Variants in COX7B2 observed in about 807,000 individuals in gnomAD.
COX7B2 encodes cytochrome c oxidase subunit 7B2.
For synonymous variants in COX7B2, 37 were observed against 32.1 expected, an observed-to-expected ratio of 1.15 and a Z score of -0.51; for missense variants, 109 against 95.9, an observed-to-expected ratio of 1.14 and a Z score of -0.57.
At chr4:46,788,353 A>G (rs918925928) in intron 2 of COX7B2, among the ~76,000 whole-genome samples, 6 of 152,280 alleles carry the variant, frequency 3.9e-5, no homozygotes, top group Admixed American at 3.9e-4. Context: ...CATAACTAAG[A>G]TTATCCAAGG....
chr4:46,889,573 G>A (rs1234258667), intron 1 of COX7B2, among the ~76,000 whole-genome samples: 2 of 152,208 alleles, frequency 1.3e-5, no homozygotes, highest in Non-Finnish European at 2.9e-5. Flanking sequence ...ATTAGCCACA[G>A]AGAGGTGAGA....
chr4:46,817,348 G>A (rs1382251521), intron 2 of COX7B2, among the ~76,000 whole-genome samples: 1 of 152,140 alleles, frequency 6.6e-6, no homozygotes, highest in Admixed American at 6.5e-5. Flanking sequence ...TTCTATTGAT[G>A]AAGACATTGA....
chr4:46,764,072 A>T (rs1716380084), intron 2 of COX7B2, among the ~76,000 whole-genome samples: 1 of 152,222 alleles, frequency 6.6e-6, no homozygotes, highest in Non-Finnish European at 1.5e-5. Flanking sequence ...GTTGAAATTG[A>T]TCTGAAAGAT....
chr4:46,876,399 A>G (rs1577685807), intron 1 of COX7B2, among the ~76,000 whole-genome samples: 1 of 139,986 alleles, frequency 7.1e-6, no homozygotes, highest in Admixed American at 7.1e-5. Context: ...AGTCCGTCCT[A>G]TTGTCTTTTT....
chr4:46,770,098 C>T (rs758328296), intron 2 of COX7B2, among the ~76,000 whole-genome samples: 1 of 152,026 alleles, frequency 6.6e-6, no homozygotes, highest in Non-Finnish European at 1.5e-5. Flanking sequence ...ACAAAGAAGT[C>T]CTTGAAGATT....
intron 2 of COX7B2, among the ~76,000 whole-genome samples, chr4:46,793,738 T>C (rs770397559): frequency 1.3e-5 from 2 of 152,180 alleles, no homozygotes; most frequent in Non-Finnish European, 2.9e-5. Flanking sequence ...CTGATTACAA[T>C]GCAAGTTGAA....
chr4:46,787,839 T>C (rs1208851098), intron 2 of COX7B2, among the ~76,000 whole-genome samples: 2 of 152,192 alleles, frequency 1.3e-5, no homozygotes, highest in Non-Finnish European at 2.9e-5. Flanking sequence ...TTCCTGGGAT[T>C]TTAGTCAACC....
At chr4:46,735,440 A>G (rs111361546) in intron 2 of COX7B2, among the ~76,000 whole-genome samples, 199 bp from the exon 3 acceptor site, 5 of 152,250 alleles carry the variant, frequency 3.3e-5, no homozygotes, top group African/African-American at 1.2e-4. Context: ...TTTTGCCTCA[A>G]CATTATTACA....
chr4:46,813,639 G>C (rs866450900), intron 2 of COX7B2, among the ~76,000 whole-genome samples: 3 of 152,076 alleles, frequency 2.0e-5, no homozygotes, highest in African/African-American at 7.2e-5. Context: ...GGGTTGATAG[G>C]TGCAGCAAAC....
chr4:46,908,847 C>T (rs1477141104), intron 1 of COX7B2, among the ~76,000 whole-genome samples: 2 of 151,848 alleles, frequency 1.3e-5, no homozygotes, highest in East Asian at 1.9e-4. Flanking sequence ...CGAGACCATC[C>T]TGGCTAACAT....
rs568391644 is a variant in COX7B2, at chr4:46,763,200, GATATTATATTTATAATATATATTCATAT to G, written c.-49-27987_-49-27960del. ...TATATACTGTAAATATATAATATAT[GATATTATATTTATAATATATATTCATAT>G]ATATTATATATATACATATATATAC... On this transcript the variant is annotated intron_variant, in intron 2 of 2. Transcript: ENST00000355591. 7.1e-3 allele frequency among the ~76,000 whole-genome samples: 931 copies of G among 131,732 alleles called. 10 individuals are homozygous for G. The highest frequency in any genetic ancestry group is 0.025 in the African/African-American group (894 of 35,670). The allele number at this position is 131,732 out of a possible 152,430, so 86.4% of individuals were successfully genotyped here.
intron 1 of COX7B2, among the ~76,000 whole-genome samples, chr4:46,870,008 G>T (rs1392884819): frequency 1.3e-5 from 2 of 152,188 alleles, no homozygotes; most frequent in East Asian, 3.9e-4. Flanking sequence ...TTTCAGAGAT[G>T]CCAGTGATTT....
At chr4:46,841,374 T>TGTG (rs1560414291) in intron 2 of COX7B2, among the ~76,000 whole-genome samples, 2 of 150,678 alleles carry the variant, frequency 1.3e-5, no homozygotes, top group Non-Finnish European at 3.0e-5. Context: ...TGTGTGTGTG[T>TGTG]TTAAGATGGG....
intron 1 of COX7B2, among the ~76,000 whole-genome samples, chr4:46,872,518 T>C (rs1314817622): frequency 6.6e-6 from 1 of 152,176 alleles, no homozygotes; most frequent in African/African-American, 2.4e-5. Flanking sequence ...CTTGAATTCT[T>C]TCCCAAGCAA....
chr4:46,815,175 C>CAAAAAA (rs760743513), intron 2 of COX7B2, among the ~76,000 whole-genome samples: 2 of 75,024 alleles, frequency 2.7e-5, no homozygotes, highest in African/African-American at 1.0e-4. Flanking sequence ...GACTCTGTCT[C>CAAAAAA]AAAAAAAAAA....
chr4:46,851,919 G>T (rs1716716671), intron 1 of COX7B2, among the ~76,000 whole-genome samples: 1 of 152,080 alleles, frequency 6.6e-6, no homozygotes, highest in Non-Finnish European at 1.5e-5. Context: ...ATTTGATAAA[G>T]CTGGTGTTAA....
intron 2 of COX7B2, among the ~76,000 whole-genome samples, chr4:46,785,388 T>G (rs553883027): frequency 6.6e-6 from 1 of 152,134 alleles, no homozygotes; most frequent in East Asian, 1.9e-4. Context: ...TTTTTTTTTT[T>G]TTTGAGACGG....
chr4:46,820,612 G>C (rs1714202602), intron 2 of COX7B2, among the ~76,000 whole-genome samples: 1 of 152,058 alleles, frequency 6.6e-6, no homozygotes, highest in Non-Finnish European at 1.5e-5. Context: ...CAGATCACCT[G>C]AGGTCAGGAG....
At chr4:46,771,824 T>C (rs1043585174) in intron 2 of COX7B2, among the ~76,000 whole-genome samples, 5 of 152,144 alleles carry the variant, frequency 3.3e-5, no homozygotes, top group African/African-American at 7.2e-5. Context: ...AGATAAGGAA[T>C]ACTAAAGCCG....
Sources: gnomAD v4.1 joint callset for allele counts (sites outside exome capture counted in the v4.1 genomes callset) on GRCh38, gnomAD v4.1.1 for gene constraint, MANE v1.5 for transcripts, NCBI Gene and HGNC (gene_info 2026-07-23, HGNC 2026-07-21) for gene names.